NOX4: variants seen among roughly 807,000 people sequenced by gnomAD.
NOX4 encodes NADPH oxidase 4, also known as kidney oxidase-1.
A neutral mutation model predicts 87.6 loss-of-function variants in NOX4; 69 were observed. That is an observed-to-expected ratio of 0.79 (90% CI 0.65 to 0.96). The LOEUF (loss-of-function observed/expected upper bound fraction) is 0.96, where lower values mean the gene tolerates loss of function less well. Among genes scored for constraint, NOX4 ranks in the 40% least tolerant of loss-of-function variants. The probability of loss-of-function intolerance (pLI) is 0.00; values close to 1 mark genes in which losing one functional copy is unlikely to be tolerated. For synonymous variants in NOX4, 275 were observed against 238.2 expected (o/e 1.15, Z -1.42); for missense variants, 680 against 681.5 (o/e 1.00, Z 0.02).
the NOX4 span, among the ~76,000 whole-genome samples, chr11:89,524,016 A>C: frequency 6.6e-6 from 1 of 152,200 alleles, no homozygotes; most frequent in African/African-American, 2.4e-5. Flanking sequence ...GAGGTCATGG[A>C]AACTTTTGGA....
At chr11:89,407,360 A>T (rs1942242784) in intron 8 of NOX4, among the ~76,000 whole-genome samples, 1 of 152,144 alleles carries the variant, frequency 6.6e-6, no homozygotes, top group Non-Finnish European at 1.5e-5. Flanking sequence ...GGATGAGGAA[A>T]GGAGGTGCAC....
chr11:89,359,256 T>A (rs546744566), intron 12 of NOX4, among the ~76,000 whole-genome samples: 1 of 152,236 alleles, frequency 6.6e-6, no homozygotes, highest in Non-Finnish European at 1.5e-5. Flanking sequence ...TTTTTCTACA[T>A]CTTTTTGTGA....
chr11:89,572,520 T>A, the NOX4 span, among the ~76,000 whole-genome samples: 1 of 151,276 alleles, frequency 6.6e-6, no homozygotes, highest in Non-Finnish European at 1.5e-5. Flanking sequence ...TGCAGAATTA[T>A]ATGTTTTTTT....
At chr11:89,509,689 T>C in the NOX4 span, among the ~76,000 whole-genome samples, 1 of 152,072 alleles carries the variant, frequency 6.6e-6, no homozygotes, top group Admixed American at 6.6e-5. Context: ...TTAATCAGCC[T>C]TGAAAGCACA....
the NOX4 span, among the ~76,000 whole-genome samples, chr11:89,519,968 G>A: frequency 1.3e-5 from 2 of 151,730 alleles, no homozygotes; most frequent in Non-Finnish European, 2.9e-5. Context: ...TTTATATATT[G>A]GATATAATAA....
chr11:89,348,788 G>A (rs576368149), intron 13 of NOX4, among the ~76,000 whole-genome samples: 2 of 151,998 alleles, frequency 1.3e-5, no homozygotes, highest in Non-Finnish European at 2.9e-5. Context: ...ATAATTTGAG[G>A]GGCCAAACAA....
the NOX4 span, among the ~76,000 whole-genome samples, chr11:89,549,542 C>T: frequency 1.3e-5 from 2 of 152,250 alleles, no homozygotes; most frequent in South Asian, 4.2e-4. Flanking sequence ...GCAGGGCATG[C>T]AGGTTTGTTA....
At chr11:89,475,998 A>G (rs1017483819) in intron 2 of NOX4, among the ~76,000 whole-genome samples, 1 of 152,166 alleles carries the variant, frequency 6.6e-6, no homozygotes, top group African/African-American at 2.4e-5. Context: ...ATTTTAATAA[A>G]GAAAATCCTA....
chr11:89,374,345 C>T (rs551093038), intron 11 of NOX4, among the ~76,000 whole-genome samples: 1 of 152,124 alleles, frequency 6.6e-6, no homozygotes, highest in Non-Finnish European at 1.5e-5. Flanking sequence ...TGCTGACTAA[C>T]ATCCTGTTGG....
the NOX4 span, among the ~76,000 whole-genome samples, chr11:89,509,256 G>A: frequency 1.6e-5 from 2 of 124,910 alleles, no homozygotes; most frequent in African/African-American, 5.9e-5. Context: ...ATATAATAGT[G>A]TCTCTTAGAC....
At chr11:89,341,563 C>T (rs538380474) in intron 14 of NOX4, among the ~76,000 whole-genome samples, 2 of 152,264 alleles carry the variant, frequency 1.3e-5, no homozygotes, top group African/African-American at 4.8e-5. Flanking sequence ...TTTCCATATC[C>T]ATTAATGTCT....
At chr11:89,553,284 C>T in the NOX4 span, among the ~76,000 whole-genome samples, 2 of 152,100 alleles carry the variant, frequency 1.3e-5, no homozygotes, top group Non-Finnish European at 2.9e-5. Context: ...ACAGTTTCCC[C>T]ATGCCATTCT....
chr11:89,368,692 T>C (rs1364803920), intron 12 of NOX4, among the ~76,000 whole-genome samples: 1 of 152,096 alleles, frequency 6.6e-6, no homozygotes, highest in Admixed American at 6.6e-5. Flanking sequence ...GTGATTAAAT[T>C]TCAATATACG....
chr11:89,448,933 C>G (rs1944829920), intron 4 of NOX4, among the ~76,000 whole-genome samples: 1 of 152,114 alleles, frequency 6.6e-6, no homozygotes, highest in Admixed American at 6.6e-5. Context: ...ATCACATCAT[C>G]ACTTTCAGAG....
intron 6 of NOX4, among the ~76,000 whole-genome samples, chr11:89,437,540 T>C (rs1944140132): frequency 6.6e-6 from 1 of 152,116 alleles, no homozygotes; most frequent in South Asian, 2.1e-4. Flanking sequence ...GGATGCCTCC[T>C]GCTGGCCAGC....
chr11:89,397,132 T>G (rs186318159), intron 11 of NOX4, among the ~76,000 whole-genome samples: 74 of 152,282 alleles, frequency 4.9e-4, no homozygotes, highest in Admixed American at 2.3e-3. Flanking sequence ...CAGACCACAG[T>G]GCAATCAAGT....
Position 89,385,067 on chromosome 11 carries a change from C to T in NOX4, c.1075-11575G>A, listed in dbSNP as rs954720851. ...GGCTACCGCTCTGTCCCCTCCACTACCTCTCAGCAAGCCAAACTCATTACC... is the reference window on the plus strand; with the variant it reads ...GGCTACCGCTCTGTCCCCTCCACTATCTCTCAGCAAGCCAAACTCATTACC... On this transcript the variant is annotated intron_variant, in intron 11 of 17. Transcript: ENST00000263317. Among the ~76,000 whole-genome samples, 8 of 152,286 alleles carry T rather than the reference C, an allele frequency of 5.3e-5. No individual in the cohort carries two copies. The South Asian group carries it at 1.7e-3, about 32-fold the overall frequency.
At chr11:89,395,641 A>G (rs1304422750) in intron 11 of NOX4, among the ~76,000 whole-genome samples, 3 of 152,136 alleles carry the variant, frequency 2.0e-5, no homozygotes, top group African/African-American at 4.8e-5. Context: ...TTTTAGGTCT[A>G]ACATTTAAGT....
chr11:89,518,846 A>T, the NOX4 span, among the ~76,000 whole-genome samples: 6 of 152,100 alleles, frequency 3.9e-5, no homozygotes, highest in Admixed American at 1.3e-4. Flanking sequence ...ATTTTTAAAA[A>T]TTTCTTAATT....
Sources: allele counts gnomAD v4.1 joint callset (sites outside exome capture counted in the v4.1 genomes callset), GRCh38; gene constraint gnomAD v4.1.1; transcripts MANE v1.5; gene names NCBI Gene and HGNC (gene_info 2026-07-23, HGNC 2026-07-21).